CDK5RAP3: variants seen among roughly 807,000 people sequenced by gnomAD.
CDK5RAP3 encodes the protein CDK5 regulatory subunit associated protein 3, also known as CDK5 regulatory subunit-associated protein 3.
In CDK5RAP3, 58 loss-of-function variants were observed where a neutral mutation model predicts 73.3. The observed-to-expected ratio is 0.79, with a 90% CI of 0.64 to 0.98. The LOEUF (loss-of-function observed/expected upper bound fraction) is 0.98. Among genes scored for constraint, CDK5RAP3 ranks in the 50% least tolerant of loss-of-function variants. CDK5RAP3 has a pLI of 0.00. For missense variants in CDK5RAP3, 525 were observed against 615.8 expected (o/e 0.85, Z 1.56); for synonymous variants, 224 against 247.5 (o/e 0.91, Z 0.89).
chr17:47,977,855 C>T lies in CDK5RAP3; in HGVS notation c.933C>T (p.Asp311=), dbSNP rs774297670. The change falls in exon 10 of 14, where the codon GAC becomes GAT. Residue 311 remains aspartate, a synonymous_variant. Coordinates refer to ENST00000338399, the MANE Select transcript of CDK5RAP3 (RefSeq NM_176096.3). ...AGGATCCTGGAGGTGATGGGATAGA[C>T]TGGGGAGACGATGCTGTTGCTTTGC... The part of the protein sequence containing the change: ...DSKDPGGDGI[D]WGDDAVALQI... 1 of 1,614,010 alleles carries T rather than the reference C, an allele frequency of 6.2e-7. No individual in the cohort carries two copies. The highest frequency in any genetic ancestry group is 8.5e-7 in the Non-Finnish European group (1 of 1,179,970).
chr17:47,974,863 T>G (rs1191474816), intron 5 of CDK5RAP3: 1 of 1,316,190 alleles, frequency 7.6e-7, no homozygotes, highest in Non-Finnish European at 9.7e-7. Context: ...GGGTGTAGTA[T>G]AAATAATAAT....
At chr17:47,972,980 T>C (rs1282530677) in intron 2 of CDK5RAP3, among the ~76,000 whole-genome samples, 1 of 152,164 alleles carries the variant, frequency 6.6e-6, no homozygotes, top group African/African-American at 2.4e-5. Flanking sequence ...GAGAGGTCAG[T>C]CCCATTGGTA....
chr17:47,971,544 C>A (rs2036268084), intron 2 of CDK5RAP3, 137 bp downstream of exon 2: 7 of 829,514 alleles, frequency 8.4e-6, no homozygotes, highest in Non-Finnish European at 1.3e-5. Context: ...TATGCCCCAT[C>A]TGTGGCCAGA....
Position 47,980,764 on chromosome 17 carries a change from C to T in CDK5RAP3, c.1249C>T (p.Leu417=), listed in dbSNP as rs2144245951. Residue 417 remains leucine, a synonymous_variant, in exon 12 of 14, where the codon CTG becomes TTG. Coordinates refer to ENST00000338399, the MANE Select transcript of CDK5RAP3 (RefSeq NM_176096.3). ...DLIGKLTSLQ[L]QHLFMILASP... The stretch of plus-strand genomic sequence containing the variant: ...GATTGGCAAGCTTACCAGTCTTCAG[C>T]TGCAACACCTGTTTATGATCCTGGC... The T allele has an allele frequency of 6.2e-7, 1 of 1,614,182 alleles. No individual in the cohort carries two copies. The highest frequency in any genetic ancestry group is 1.1e-5 in the South Asian group (1 of 91,080).
upstream of CDK5RAP3, among the ~76,000 whole-genome samples, chr17:47,969,580 A>AAAAAAAAAAAAG (rs1567720961): frequency 1.8e-4 from 24 of 131,380 alleles, 1 homozygote; most frequent in African/African-American, 7.0e-4. Context: ...AAAAAAAAAA[A>AAAAAAAAAAAAG]AAAAGAAAAG....
intron 9 of CDK5RAP3, among the ~76,000 whole-genome samples, chr17:47,977,323 G>A (rs1229624540): frequency 2.6e-5 from 4 of 152,086 alleles, no homozygotes; most frequent in African/African-American, 7.2e-5. Context: ...TAATTGTTTT[G>A]TATTTTTAGT....
chr17:47,971,288 C>T, intron 1 of CDK5RAP3, 74 bp from the exon 2 acceptor site: 3 of 1,553,466 alleles, frequency 1.9e-6, no homozygotes, highest in Non-Finnish European at 2.6e-6. Flanking sequence ...GTGGTTGGGA[C>T]GTTGAAATGA....
upstream of CDK5RAP3, chr17:47,970,904 C>T (rs990114766): frequency 6.9e-7 from 1 of 1,444,140 alleles, no homozygotes; most frequent in Non-Finnish European, 9.1e-7. Context: ...CTGAGCCCGC[C>T]TCGCGTCTCC....
chr17:47,971,506 G>A (rs2036266995), intron 2 of CDK5RAP3, 99 bp downstream of exon 2: 4 of 1,179,874 alleles, frequency 3.4e-6, no homozygotes, highest in Admixed American at 5.4e-5. Flanking sequence ...GAAAGCCTGA[G>A]TCGAGATGCT....
intron 7 of CDK5RAP3, 29 bp downstream of exon 7, chr17:47,975,682 G>A: frequency 6.3e-7 from 1 of 1,578,202 alleles, no homozygotes; most frequent in Non-Finnish European, 8.6e-7. Flanking sequence ...CTCCTGGTGG[G>A]GGTGCTTTGC....
rs1362371864 is a variant in CDK5RAP3, at chr17:47,973,538, G to A, written c.72G>A (p.Arg24=). 20 of 1,614,014 alleles carry A rather than the reference G, an allele frequency of 1.2e-5. No individual in the cohort carries two copies. The highest frequency in any genetic ancestry group is 2.2e-5 in the East Asian group (1 of 44,888). The change falls in exon 3 of 14, where the codon AGG becomes AGA. Residue 24 remains arginine (R), a synonymous_variant. Coordinates refer to ENST00000338399, the MANE Select transcript of CDK5RAP3 (RefSeq NM_176096.3). ...SKLLDWLVDR[R]HCSLKWQSLV... ...ATGTAGATTGGCTGGTGGACAGAAGGCACTGCAGCCTGAAATGGCAGAGTC... is the reference window on the plus strand; with the variant it reads ...ATGTAGATTGGCTGGTGGACAGAAGACACTGCAGCCTGAAATGGCAGAGTC...
chr17:47,977,763 G>A (rs1289165245), intron 9 of CDK5RAP3, 69 bp from the exon 10 acceptor site: 3 of 1,319,658 alleles, frequency 2.3e-6, no homozygotes, highest in Admixed American at 3.6e-5. Context: ...CAAGGGCTTT[G>A]GTTTATTCTG....
intron 2 of CDK5RAP3, among the ~76,000 whole-genome samples, chr17:47,973,011 C>G (rs982847172): frequency 1.3e-5 from 2 of 152,148 alleles, no homozygotes; most frequent in Non-Finnish European, 2.9e-5. Context: ...CAGGGTGGTA[C>G]TTCACTGTTC....
intron 11 of CDK5RAP3, 26 bp downstream of exon 11, chr17:47,978,943 G>C (rs200395102): frequency 7.6e-6 from 12 of 1,581,818 alleles, no homozygotes; most frequent in African/African-American, 4.0e-5. Flanking sequence ...GAAGATGCAG[G>C]GGGGAGGCAT....
At chr17:47,968,809 C>A (rs2036214352), upstream of CDK5RAP3, among the ~76,000 whole-genome samples, 1 of 152,174 alleles carries the variant, frequency 6.6e-6, no homozygotes, top group Non-Finnish European at 1.5e-5. Flanking sequence ...AGCCACCGTG[C>A]CCAGCGTGTT....
intron 1 of CDK5RAP3, 22 bp from the exon 2 acceptor site, chr17:47,971,339 CT>C (rs745857180): frequency 1.2e-6 from 2 of 1,607,604 alleles, no homozygotes; most frequent in South Asian, 2.2e-5. Context: ...TCACGCCCCC[CT>C]CCTCACCGTG....
At position 47,977,681 on chromosome 17, in the gene CDK5RAP3, C is replaced by T. The variant is rs148072893; in HGVS notation, c.910-151C>T. 1,061 of 632,116 alleles carry T rather than the reference C, an allele frequency of 1.7e-3. 2 individuals carry two copies. Among genetic ancestry groups the T allele is most frequent in the Non-Finnish European group, 2.5e-3 (904 of 356,296 alleles). The allele number at this position is 632,116 out of a possible 1,614,324, so 39.2% of individuals were successfully genotyped here. A position where few individuals can be genotyped will look rare whatever the true frequency, so the allele number is the denominator to read the frequency against. Reference sequence around the variant, plus strand: ...TACAGAGCAGGGATGATGGGCCATACTGCCATTTTTGGCACCTAAGTCAGG... The same window carrying T: ...TACAGAGCAGGGATGATGGGCCATATTGCCATTTTTGGCACCTAAGTCAGG... On this transcript the variant is annotated intron_variant, in intron 9 of 13. Transcript: ENST00000338399.
intron 8 of CDK5RAP3, 24 bp from the exon 9 acceptor site, chr17:47,976,688 C>T: frequency 6.6e-7 from 1 of 1,510,864 alleles, no homozygotes; most frequent in Non-Finnish European, 9.2e-7. Flanking sequence ...CTTCCATGAG[C>T]TAACACTCTC....
Position 47,976,767 on chromosome 17 carries a change from T to A in CDK5RAP3, c.854T>A (p.Ile285Asn). Residue 285 changes from isoleucine to asparagine, a missense_variant, in exon 9 of 14, where the codon ATC becomes AAC. Coordinates refer to ENST00000338399, the MANE Select transcript of CDK5RAP3 (RefSeq NM_176096.3). The stretch of plus-strand genomic sequence containing the variant: ...GTGTCTGAGGGGACTGACTCTGGCA[T>A]CTCTGCCGAGGCTGCTGGAATCGAC... ...EAVSEGTDSG[I>N]SAEAAGIDWG... 6.2e-7 allele frequency: 1 copy of A among 1,612,870 alleles called. No individual in the cohort carries two copies. Among genetic ancestry groups the A allele is most frequent in the Non-Finnish European group, 8.5e-7 (1 of 1,179,402 alleles).
Sources: allele counts gnomAD v4.1 joint callset (sites outside exome capture counted in the v4.1 genomes callset), GRCh38; gene constraint gnomAD v4.1.1; transcripts MANE v1.5; gene names NCBI Gene and HGNC (gene_info 2026-07-23, HGNC 2026-07-21).